Variants in IFRD1 observed in about 807,000 individuals in gnomAD.
IFRD1 encodes the protein interferon-related developmental regulator 1.
IFRD1 carries 35 observed loss-of-function variants against 52.9 expected under a neutral mutation model. The observed-to-expected ratio is 0.66, with a 90% CI of 0.51 to 0.88. The LOEUF (loss-of-function observed/expected upper bound fraction) is 0.88. Ranked by LOEUF, IFRD1 falls within the 40% of genes least tolerant of loss-of-function variation. The pLI, the probability that IFRD1 is intolerant of heterozygous loss-of-function variation, is 0.00. For missense variants in IFRD1, 517 were observed against 550.8 expected (o/e 0.94, Z 0.61); for synonymous variants, 184 against 188.4 (o/e 0.98, Z 0.19).
chr7:112,448,154 A>G (rs1473147215), upstream of IFRD1, among the ~76,000 whole-genome samples: 1 of 151,366 alleles, frequency 6.6e-6, no homozygotes, highest in Non-Finnish European at 1.5e-5. Flanking sequence ...AAAGAAAAGT[A>G]AGAAAAAAAG....
intron 1 of IFRD1, among the ~76,000 whole-genome samples, chr7:112,438,870 T>C (rs1041616915): frequency 4.6e-5 from 7 of 152,164 alleles, no homozygotes; most frequent in Non-Finnish European, 1.0e-4. Flanking sequence ...TCATGAATCA[T>C]TGACCTGAGC....
chr7:112,435,991 T>C (rs1048985139), intron 1 of IFRD1, among the ~76,000 whole-genome samples: 3 of 151,946 alleles, frequency 2.0e-5, no homozygotes, highest in Admixed American at 6.6e-5. Context: ...CAAGTGATTC[T>C]CTTGCCTCAG....
chr7:112,431,701 T>C (rs144222617), intron 1 of IFRD1, among the ~76,000 whole-genome samples: 3 of 152,208 alleles, frequency 2.0e-5, no homozygotes, highest in African/African-American at 7.2e-5. Flanking sequence ...GGGGTTACTC[T>C]CTCTGCCTAA....
In IFRD1 at chr7:112,473,029, CGTGTGTGTGTGTGT is replaced by C. The variant is rs74273594; in HGVS notation, c.1266+193_1266+206del. Among the ~76,000 whole-genome samples, 29 of 115,258 alleles carry C rather than the reference CGTGTGTGTGTGTGT, an allele frequency of 2.5e-4. No individual in the cohort carries two copies. In the East Asian group the frequency reaches 2.6e-3, roughly 10 times the overall value. The allele number at this position is 115,258 out of a possible 152,430, so 75.6% of individuals were successfully genotyped here. On this transcript the variant is annotated intron_variant, in intron 11 of 11. Transcript: ENST00000403825. ...CAGAAAGCATTTAGAGTGTGGGGGG[CGTGTGTGTGTGTGT>C]GTGTGTGTGTGTGTGTGTGTGTGTA...
At chr7:112,435,775 C>T (rs3109116) in intron 1 of IFRD1, among the ~76,000 whole-genome samples, 10,969 of 151,988 alleles carry the variant, frequency 0.072, 512 homozygotes, top group Admixed American at 0.13. Context: ...TTTTAGTTGG[C>T]TCTTACTAAA....
chr7:112,450,837 TC>T, intron 1 of IFRD1, 55 bp downstream of exon 1: 2 of 1,235,148 alleles, frequency 1.6e-6, no homozygotes, highest in South Asian at 1.2e-5. Flanking sequence ...TGGCGAGTCT[TC>T]CATGCTTCGG....
chr7:112,453,239 T>G (rs1795207770), intron 1 of IFRD1, among the ~76,000 whole-genome samples: 1 of 152,216 alleles, frequency 6.6e-6, no homozygotes, highest in Non-Finnish European at 1.5e-5. Context: ...CTAATAAAAT[T>G]GACTTCTTTT....
intron 1 of IFRD1, among the ~76,000 whole-genome samples, chr7:112,431,797 G>A (rs1794553154): frequency 1.3e-5 from 2 of 152,150 alleles, no homozygotes; most frequent in Non-Finnish European, 2.9e-5. Flanking sequence ...TATTCATTAC[G>A]ATCTTTTTGG....
chr7:112,467,939 A>G (rs1364771288), intron 8 of IFRD1, 42 bp from the exon 9 acceptor site: 3 of 1,596,048 alleles, frequency 1.9e-6, no homozygotes, highest in Admixed American at 1.7e-5. Flanking sequence ...GTCAGAAAAG[A>G]AAAATAATAA....
intron 9 of IFRD1, among the ~76,000 whole-genome samples, 155 bp downstream of exon 9, chr7:112,468,270 CTTT>C (rs201842737): frequency 6.8e-6 from 1 of 148,004 alleles, no homozygotes; most frequent in African/African-American, 2.5e-5. Context: ...TAAGTGAAGA[CTTT>C]TTTTTTTTCA....
intron 1 of IFRD1, among the ~76,000 whole-genome samples, chr7:112,430,001 T>A (rs1325612915): frequency 6.6e-6 from 1 of 152,228 alleles, no homozygotes; most frequent in Non-Finnish European, 1.5e-5. Context: ...TTCTTCCTAC[T>A]TCTTTATCCT....
chr7:112,450,346 A>C, upstream of IFRD1: 1 of 285,946 alleles, frequency 3.5e-6, no homozygotes, highest in East Asian at 9.4e-5. Flanking sequence ...CGCCCGACGG[A>C]GGCGTCCAGT....
intron 8 of IFRD1, 144 bp downstream of exon 8, chr7:112,462,522 G>A: frequency 1.4e-6 from 1 of 713,142 alleles, no homozygotes; most frequent in Admixed American, 2.0e-5. Context: ...TCTTGGCAGT[G>A]GTGGTGTAAT....
chr7:112,430,704 CCTAA>C (rs1794528534), intron 1 of IFRD1, among the ~76,000 whole-genome samples: 1 of 152,194 alleles, frequency 6.6e-6, no homozygotes, highest in South Asian at 2.1e-4. Context: ...TATGTTCACT[CCTAA>C]CTACTTTTCA....
intron 1 of IFRD1, among the ~76,000 whole-genome samples, chr7:112,425,013 G>GC (rs1387236005): frequency 2.0e-5 from 3 of 151,710 alleles, no homozygotes; most frequent in Non-Finnish European, 4.4e-5. Context: ...GTTTTGTTTT[G>GC]TTTTTTTGAG....
At chr7:112,474,110 G>A (rs933594791) in intron 11 of IFRD1, among the ~76,000 whole-genome samples, 28 of 152,082 alleles carry the variant, frequency 1.8e-4, no homozygotes, top group African/African-American at 6.5e-4. Flanking sequence ...ATATTCCATT[G>A]TATGGATATA....
At chr7:112,445,062 CTTTTTTTTTT>C (rs3057810) in intron 1 of IFRD1, among the ~76,000 whole-genome samples, 1 of 102,696 alleles carries the variant, frequency 9.7e-6, no homozygotes, top group African/African-American at 3.6e-5. Flanking sequence ...CCTAGGCTTT[CTTTTTTTTTT>C]TTTTTTTTTT....
chr7:112,457,511 A>G (rs1795325918), intron 4 of IFRD1: 1 of 163,890 alleles, frequency 6.1e-6, no homozygotes, highest in Non-Finnish European at 1.3e-5. Context: ...CCAAAGAGAA[A>G]TCTTAAAGAT....
intron 1 of IFRD1, among the ~76,000 whole-genome samples, chr7:112,443,729 A>G (rs3109108): frequency 0.093 from 14,185 of 151,900 alleles, 926 homozygotes; most frequent in African/African-American, 0.17. Flanking sequence ...TTAGCCAGGC[A>G]TGGTGGTGAA....
Sources: gnomAD v4.1 joint callset for allele counts (sites outside exome capture counted in the v4.1 genomes callset) on GRCh38, gnomAD v4.1.1 for gene constraint, MANE v1.5 for transcripts, NCBI Gene and HGNC (gene_info 2026-07-23, HGNC 2026-07-21) for gene names.